KIF11: variants seen among roughly 807,000 people sequenced by gnomAD.
KIF11 encodes the protein kinesin-like protein KIF11.
A neutral mutation model predicts 121.0 loss-of-function variants in KIF11; 9 were observed. The ratio of observed to expected loss-of-function variants is 0.07; its 90% CI spans 0.04 to 0.13. The LOEUF (loss-of-function observed/expected upper bound fraction) is 0.13. Ranked by LOEUF, KIF11 falls within the 10% of genes least tolerant of loss-of-function variation. The probability of loss-of-function intolerance (pLI) is 1.00; values close to 1 mark genes in which losing one functional copy is unlikely to be tolerated. For synonymous variants in KIF11, 408 were observed against 421.0 expected (o/e 0.97, Z 0.38); for missense variants, 846 against 1,217.5 (o/e 0.69, Z 4.54).
At position 92,632,637 on chromosome 10, in the gene KIF11, T is replaced by C; in HGVS notation, c.1646T>C (p.Ile549Thr). Residue 549 changes from isoleucine to threonine, a missense_variant, in exon 13 of 22, where the codon ATT (isoleucine) becomes ACT (threonine). Transcript: ENST00000260731. The stretch of plus-strand genomic sequence containing the variant: ...CTGTTTAATAATATGGAAGAATTAA[T>C]TAAGGATGGCAGCTCAAAGCAAAAG... ...NSLFNNMEELIKDGSSKQKAM... is the reference protein window; with the variant it reads ...NSLFNNMEELTKDGSSKQKAM... The C allele has an allele frequency of 6.2e-7, 1 of 1,613,416 alleles. No homozygotes were observed. Among genetic ancestry groups the C allele is most frequent in the Non-Finnish European group, 8.5e-7 (1 of 1,179,738 alleles).
intron 11 of KIF11, among the ~76,000 whole-genome samples, chr10:92,629,649 TG>T (rs1403996028): frequency 8.8e-6 from 1 of 113,920 alleles, no homozygotes; most frequent in African/African-American, 6.6e-5. Flanking sequence ...GGGTCTTGCT[TG>T]ATGCCCAGGC....
intron 1 of KIF11, among the ~76,000 whole-genome samples, chr10:92,596,481 C>T (rs1331735535): frequency 6.6e-6 from 1 of 151,740 alleles, no homozygotes; most frequent in East Asian, 1.9e-4. Flanking sequence ...ACATTCCTAC[C>T]AACAGTGCAT....
intron 1 of KIF11, among the ~76,000 whole-genome samples, chr10:92,595,801 C>T (rs1044202115): frequency 3.0e-4 from 46 of 152,164 alleles, no homozygotes; most frequent in African/African-American, 1.1e-3. Flanking sequence ...CTAAGTACTT[C>T]ATAAAGTGGA....
At chr10:92,650,646 C>A in intron 21 of KIF11, 129 bp downstream of exon 21, 1 of 616,752 alleles carries the variant, frequency 1.6e-6, no homozygotes, top group East Asian at 2.7e-5. Context: ...GGCTTGTTAA[C>A]GCTTATGATT....
chr10:92,596,035 T>C (rs1182287749), intron 1 of KIF11, among the ~76,000 whole-genome samples: 3 of 152,194 alleles, frequency 2.0e-5, no homozygotes, highest in Non-Finnish European at 2.9e-5. Flanking sequence ...CGAGTCTCGC[T>C]CTGTTGCCCA....
chr10:92,621,606 G>A (rs1844618468), intron 10 of KIF11, 133 bp downstream of exon 10: 11 of 584,018 alleles, frequency 1.9e-5, no homozygotes, highest in African/African-American at 3.8e-5. Context: ...TTGTGTGTGT[G>A]TGTGTTTTCT....
At chr10:92,594,955 A>G (rs11187085) in intron 1 of KIF11, among the ~76,000 whole-genome samples, 42,696 of 152,094 alleles carry the variant, frequency 0.28, 8,350 homozygotes, top group African/African-American at 0.55. Flanking sequence ...GTAAATAGGC[A>G]ACTTATGAGT....
chr10:92,593,317 T>A lies in KIF11; in HGVS notation c.-59T>A, dbSNP rs1844251988. On this transcript the variant is annotated 5_prime_UTR_variant, in exon 1 of 22. Coordinates refer to ENST00000260731, the MANE Select transcript of KIF11 (RefSeq NM_004523.4). ...CGGCCCCTGTCGGCCGCCAAGCCCC[T>A]CCGCCCCTCACAGCGCCCAGGTCCG... The A allele has an allele frequency of 6.5e-7, 1 of 1,540,752 alleles. No homozygotes were observed.
At chr10:92,616,268 A>G (rs563109922) in intron 8 of KIF11, among the ~76,000 whole-genome samples, 16 of 151,234 alleles carry the variant, frequency 1.1e-4, no homozygotes, top group African/African-American at 3.9e-4. Context: ...GCAGTGGCAC[A>G]TTCACTGTAA....
chr10:92,600,187 T>C (rs181743040), intron 1 of KIF11, among the ~76,000 whole-genome samples: 39 of 151,420 alleles, frequency 2.6e-4, no homozygotes, highest in African/African-American at 8.5e-4. Context: ...GTATTTTTAG[T>C]AGAGATAGGG....
chr10:92,616,873 C>T, intron 9 of KIF11, 41 bp downstream of exon 9: 2 of 1,128,946 alleles, frequency 1.8e-6, no homozygotes, highest in Non-Finnish European at 2.6e-6. Context: ...TCTTGTTTGA[C>T]AAATGTGAAA....
At position 92,593,222 on chromosome 10, in the gene KIF11, G is replaced by T; in HGVS notation, c.-154G>T. On this transcript the variant is annotated 5_prime_UTR_variant, in exon 1 of 22. Coordinates refer to ENST00000260731, the MANE Select transcript of KIF11 (RefSeq NM_004523.4). ...CCACGGCCAGAGTACCGGGTAGAGAGCGGGGACGCCGACCTGCGTGCGTCG... is the reference window on the plus strand; with the variant it reads ...CCACGGCCAGAGTACCGGGTAGAGATCGGGGACGCCGACCTGCGTGCGTCG... 1 of 661,354 alleles carries T rather than the reference G, an allele frequency of 1.5e-6. No homozygotes were observed. The highest frequency in any genetic ancestry group is 2.6e-6 in the Non-Finnish European group (1 of 383,140). The allele number at this position is 661,354 out of a possible 1,614,324, so 41.0% of individuals were successfully genotyped here. A position where few individuals can be genotyped will look rare whatever the true frequency, so the allele number is the denominator to read the frequency against.
Position 92,637,229 on chromosome 10 carries a change from T to A in KIF11, c.1921T>A (p.Ser641Thr). 1 of 1,586,498 alleles carries A rather than the reference T, an allele frequency of 6.3e-7. No homozygotes were observed. The highest frequency in any genetic ancestry group is 8.5e-7 in the Non-Finnish European group (1 of 1,173,500). ...TCTAAGTTCACTGGAAATGATTTTA[T>A]CCCCAACTGTGGTGTCTATACTGAA... Reference protein sequence around the residue: ...DLLSSLEMILSPTVVSILKIN... With the variant: ...DLLSSLEMILTPTVVSILKIN... The change falls in exon 15 of 22, where the codon TCC becomes ACC. Residue 641 changes from serine to threonine, a missense_variant. This residue lies in a region of KIF11 where 492 missense variants were observed against 603.4 expected (regional missense o/e 0.82). Transcript: ENST00000260731.
intron 1 of KIF11, among the ~76,000 whole-genome samples, chr10:92,596,064 C>T (rs558378560): frequency 3.9e-5 from 6 of 152,270 alleles, no homozygotes; most frequent in South Asian, 2.1e-4. Context: ...TGCAGTGGCG[C>T]GGTCTTGGCT....
At chr10:92,604,431 C>T (rs1175330815) in intron 1 of KIF11, among the ~76,000 whole-genome samples, 1 of 152,174 alleles carries the variant, frequency 6.6e-6, no homozygotes, top group South Asian at 2.1e-4. Flanking sequence ...CCACTTGATG[C>T]TCTTGGCCTA....
intron 17 of KIF11, among the ~76,000 whole-genome samples, chr10:92,642,807 A>G (rs183267521): frequency 1.3e-5 from 2 of 152,184 alleles, no homozygotes. Context: ...ATCCTTCTCC[A>G]TCTCTTTACT....
At chr10:92,643,162 C>T (rs1346133565) in intron 17 of KIF11, among the ~76,000 whole-genome samples, 2 of 152,110 alleles carry the variant, frequency 1.3e-5, no homozygotes, top group African/African-American at 2.4e-5. Context: ...TTTACCTGCC[C>T]TGGCCTCCCA....
At chr10:92,621,068 C>G (rs1177642782) in intron 9 of KIF11, among the ~76,000 whole-genome samples, 1 of 152,170 alleles carries the variant, frequency 6.6e-6, no homozygotes, top group Non-Finnish European at 1.5e-5. Flanking sequence ...TGCCTCAGTC[C>G]TGGAATCAGA....
At chr10:92,601,386 T>C (rs1241227800) in intron 1 of KIF11, among the ~76,000 whole-genome samples, 1 of 151,584 alleles carries the variant, frequency 6.6e-6, no homozygotes, top group Non-Finnish European at 1.5e-5. Flanking sequence ...TTTTCTCGTA[T>C]TTTTAGTAGA....
Sources: allele counts gnomAD v4.1 joint callset (sites outside exome capture counted in the v4.1 genomes callset), GRCh38; gene constraint gnomAD v4.1.1; regional missense constraint gnomAD v4.1.1; transcripts MANE v1.5; gene names NCBI Gene and HGNC (gene_info 2026-07-23, HGNC 2026-07-21).